The following MACROD2 variants were observed in gnomAD, a reference collection of about 807,000 sequenced individuals.
MACROD2 encodes mono-ADP ribosylhydrolase 2, also known as ADP-ribose glycohydrolase MACROD2.
MACROD2 carries 36 observed loss-of-function variants against 70.4 expected under a neutral mutation model. The ratio of observed to expected loss-of-function variants is 0.51; its 90% CI spans 0.39 to 0.68. The LOEUF is 0.68. MACROD2 is among the 30% of genes least tolerant of loss of function. MACROD2 has a pLI of 0.00. For synonymous variants in MACROD2, 172 were observed against 178.8 expected (o/e 0.96, Z 0.30); for missense variants, 496 against 538.4 (o/e 0.92, Z 0.78).
At position 14,726,796 on chromosome 20, in the gene MACROD2, C is replaced by T. The variant is rs537634698; in HGVS notation, c.418+41837C>T. ...CTGTTCTCCTCAGATGACTCTTACA[C>T]AGCTGTTACACAGCTTATGTGGCAG... is the stretch of plus-strand genomic sequence containing the variant. On this transcript the variant is annotated intron_variant, in intron 5 of 17. Transcript: ENST00000684519. Among the ~76,000 whole-genome samples the T allele has an allele frequency of 2.0e-5, 3 of 152,296 alleles. No individual in the cohort carries two copies. In the South Asian group the frequency reaches 6.2e-4, roughly 32 times the overall value.
intron 8 of MACROD2, among the ~76,000 whole-genome samples, chr20:15,566,590 G>A (rs1343341484): frequency 1.3e-5 from 2 of 151,778 alleles, no homozygotes; most frequent in Admixed American, 6.6e-5. Flanking sequence ...ACTTTTTCCA[G>A]TCTCATACGT....
chr20:14,876,086 A>G (rs2073547336), intron 5 of MACROD2, among the ~76,000 whole-genome samples: 1 of 152,138 alleles, frequency 6.6e-6, no homozygotes, highest in Non-Finnish European at 1.5e-5. Context: ...TTACACTCCC[A>G]CCAACAAAGT....
chr20:15,705,216 C>T (rs997384565), intron 8 of MACROD2, among the ~76,000 whole-genome samples: 1 of 152,018 alleles, frequency 6.6e-6, no homozygotes, highest in Non-Finnish European at 1.5e-5. Context: ...GGTAAATTAA[C>T]ATGATCAAAT....
chr20:14,146,398 G>A (rs752408264), intron 3 of MACROD2, among the ~76,000 whole-genome samples: 2 of 152,134 alleles, frequency 1.3e-5, no homozygotes, highest in Non-Finnish European at 2.9e-5. Context: ...TTGATAAGCT[G>A]AGTGCAAACT....
chr20:15,658,869 A>T (rs2049773738), intron 8 of MACROD2, among the ~76,000 whole-genome samples: 1 of 152,158 alleles, frequency 6.6e-6, no homozygotes, highest in Admixed American at 6.6e-5. Context: ...CACATCACCA[A>T]AGTGCCTGCA....
At chr20:14,940,564 G>T (rs374085316) in intron 5 of MACROD2, among the ~76,000 whole-genome samples, 3 of 152,202 alleles carry the variant, frequency 2.0e-5, no homozygotes, top group East Asian at 3.9e-4. Context: ...TTATTTTGAG[G>T]TATGTTCCTT....
chr20:14,110,876 T>C (rs1449795994), intron 3 of MACROD2, among the ~76,000 whole-genome samples: 2 of 151,700 alleles, frequency 1.3e-5, no homozygotes, highest in Admixed American at 1.3e-4. Context: ...GAAAAATCAA[T>C]CCTAAAATGT....
intron 5 of MACROD2, among the ~76,000 whole-genome samples, chr20:15,150,335 T>C (rs1009903106): frequency 6.6e-6 from 1 of 151,756 alleles, no homozygotes; most frequent in African/African-American, 2.4e-5. Context: ...AATAGTGAGT[T>C]GTGGAGGAAG....
intron 6 of MACROD2, among the ~76,000 whole-genome samples, chr20:15,233,985 A>T (rs1425804958): frequency 2.3e-4 from 11 of 47,886 alleles, no homozygotes; most frequent in South Asian, 8.5e-4. Flanking sequence ...ATATTTATTT[A>T]TATATATATA....
intron 6 of MACROD2, among the ~76,000 whole-genome samples, chr20:15,422,072 G>A (rs1340884617): frequency 6.6e-6 from 1 of 152,172 alleles, no homozygotes; most frequent in Admixed American, 6.6e-5. Flanking sequence ...AGAACAAAAG[G>A]AGACCAATGT....
At chr20:15,819,668 G>A (rs1328143326) in intron 8 of MACROD2, among the ~76,000 whole-genome samples, 1 of 151,666 alleles carries the variant, frequency 6.6e-6, no homozygotes, top group Non-Finnish European at 1.5e-5. Context: ...TAGGCCAGAT[G>A]CAGAAGATAA....
At chr20:15,907,648 C>G (rs1361642381) in intron 10 of MACROD2, among the ~76,000 whole-genome samples, 1 of 152,174 alleles carries the variant, frequency 6.6e-6, no homozygotes, top group African/African-American at 2.4e-5. Context: ...GGTCACATTT[C>G]TACGCTGATG....
chr20:15,470,276 C>G (rs956481648), intron 7 of MACROD2, among the ~76,000 whole-genome samples: 1 of 152,158 alleles, frequency 6.6e-6, no homozygotes, highest in Non-Finnish European at 1.5e-5. Context: ...GTCTCGATCT[C>G]CTGACCCCAT....
intron 1 of MACROD2, chr20:13,996,292 C>T (rs895390476): frequency 9.8e-5 from 17 of 172,872 alleles, no homozygotes; most frequent in Non-Finnish European, 2.1e-4. Flanking sequence ...CCTGTCCCCC[C>T]AGCCCCCGAA....
At chr20:14,420,454 A>G (rs1443201724) in intron 3 of MACROD2, among the ~76,000 whole-genome samples, 1 of 152,104 alleles carries the variant, frequency 6.6e-6, no homozygotes, top group Non-Finnish European at 1.5e-5. Flanking sequence ...TTTTATTTGC[A>G]TTTCACTGAT....
rs78307721 is a variant in MACROD2 at position 15,013,128 on chromosome 20, C to T, written c.419-216812C>T. Among the ~76,000 whole-genome samples, 6 of 152,154 alleles carry T rather than the reference C, an allele frequency of 3.9e-5. No homozygotes were observed. The East Asian group carries it at 5.8e-4, about 15-fold the overall frequency. The stretch of plus-strand genomic sequence containing the variant: ...GCTGAGTAGAACCCCTCTTTCTCCT[C>T]GAGTATTTCTCCCAGGCCTGGCCAG... On this transcript the variant is annotated intron_variant, in intron 5 of 17. Transcript: ENST00000684519.
intron 3 of MACROD2, among the ~76,000 whole-genome samples, chr20:14,363,088 C>T (rs1030894964): frequency 6.6e-6 from 1 of 152,166 alleles, no homozygotes; most frequent in Non-Finnish European, 1.5e-5. Context: ...TCACTCAGCT[C>T]CACCTCTTCA....
At chr20:14,002,556 C>T (rs1426800898) in intron 2 of MACROD2, 152 bp downstream of exon 2, 10 of 544,436 alleles carry the variant, frequency 1.8e-5, no homozygotes, top group African/African-American at 3.9e-5. Flanking sequence ...TAGTAACCTA[C>T]GGTGTTTTTT....
intron 10 of MACROD2, among the ~76,000 whole-genome samples, chr20:15,928,820 C>G (rs2065529672): frequency 6.6e-6 from 1 of 152,126 alleles, no homozygotes; most frequent in Non-Finnish European, 1.5e-5. Context: ...TAAGAGCATT[C>G]CTCTGTTATA....
Sources: allele counts gnomAD v4.1 joint callset (sites outside exome capture counted in the v4.1 genomes callset), GRCh38; gene constraint gnomAD v4.1.1; transcripts MANE v1.5; gene names NCBI Gene and HGNC (gene_info 2026-07-23, HGNC 2026-07-21).